The following ABCC4 variants were observed in gnomAD, a reference collection of about 807,000 sequenced individuals.
The protein encoded by ABCC4 is ATP-binding cassette sub-family C member 4.
A neutral mutation model predicts 168.5 loss-of-function variants in ABCC4; 102 were observed. That is an observed-to-expected ratio of 0.61 (90% confidence interval 0.52 to 0.71). The LOEUF is 0.71. Among genes scored for constraint, ABCC4 ranks in the 30% least tolerant of loss-of-function variants. ABCC4 has a pLI of 0.00. For synonymous variants in ABCC4, 617 were observed against 590.7 expected (o/e 1.04, Z -0.65); for missense variants, 1,402 against 1,605.8 (o/e 0.87, Z 2.17).
intron 23 of ABCC4, among the ~76,000 whole-genome samples, chr13:95,073,952 G>C (rs2033813633): frequency 6.6e-6 from 1 of 152,124 alleles, no homozygotes; most frequent in Non-Finnish European, 1.5e-5. Flanking sequence ...ACAACTACCA[G>C]ACACTAACAG....
At chr13:95,152,289 A>G (rs922427680) in intron 19 of ABCC4, among the ~76,000 whole-genome samples, 3 of 152,266 alleles carry the variant, frequency 2.0e-5, no homozygotes, top group Admixed American at 6.5e-5. Context: ...ACCAGCTGTA[A>G]GACAAAAAAC....
intron 30 of ABCC4, among the ~76,000 whole-genome samples, chr13:95,029,816 A>G (rs969959183): frequency 3.9e-5 from 6 of 152,226 alleles, no homozygotes; most frequent in Non-Finnish European, 8.8e-5. Flanking sequence ...AATACATGTT[A>G]ACAGTGAAGA....
chr13:95,193,732 A>G (rs143522044), intron 9 of ABCC4, among the ~76,000 whole-genome samples: 83 of 152,342 alleles, frequency 5.4e-4, no homozygotes, highest in African/African-American at 1.9e-3. Context: ...CCCAGGTTGC[A>G]AGTTACGTAA....
Position 95,073,255 on chromosome 13 carries a change from G to T in ABCC4, c.2967C>A (p.Leu989=). ...GAACACACCACTGAAACATCCCCAT[G>T]AGCGTGAGGGCATAGGACAGTGCCA... ...VGLALSYALT[L]MGMFQWCVRQ... Residue 989 remains leucine (L), a synonymous_variant, in exon 24 of 31, where the codon CTC becomes CTA. Coordinates refer to ENST00000645237, the MANE Select transcript of ABCC4 (RefSeq NM_005845.5). 6.2e-7 allele frequency: 1 copy of T among 1,613,994 alleles called. No homozygotes were observed. Among genetic ancestry groups the T allele is most frequent in the Non-Finnish European group, 8.5e-7 (1 of 1,179,948 alleles).
At chr13:95,025,189 CCACACCACA>C (rs2031354424) in intron 30 of ABCC4, among the ~76,000 whole-genome samples, 1 of 123,606 alleles carries the variant, frequency 8.1e-6, no homozygotes, top group African/African-American at 3.6e-5. Context: ...CCACACACAC[CCACACCACA>C]CACCCCCACA....
rs150772383 is a variant in ABCC4, at chr13:95,063,590, G to A, written c.3211-731C>T. ...AAGTAACATTTGCTATTTACGTAAG[G>A]CCTTTCATCTGCACAGTTCAAAAGG... is the stretch of plus-strand genomic sequence containing the variant. On this transcript the variant is annotated intron_variant, in intron 25 of 30. Coordinates refer to ENST00000645237, the MANE Select transcript of ABCC4 (RefSeq NM_005845.5). 3.7e-3 allele frequency among the ~76,000 whole-genome samples: 562 copies of A among 152,254 alleles called. 5 individuals are homozygous for A. The highest frequency in any genetic ancestry group is 0.013 in the African/African-American group (538 of 41,554).
intron 25 of ABCC4, among the ~76,000 whole-genome samples, chr13:95,064,260 GTATATATATATATA>G (rs753635232): frequency 2.3e-4 from 5 of 21,506 alleles, no homozygotes; most frequent in African/African-American, 6.6e-4. Flanking sequence ...GTGTGTGTGT[GTATATATATATATA>G]TATATATATA....
rs768841551 is a variant in ABCC4 at position 95,044,451 on chromosome 13, AAAG to A, written c.3457-16_3457-14del. The A allele has an allele frequency of 4.8e-5, 77 of 1,597,594 alleles. No homozygotes were observed. In the South Asian group the frequency reaches 7.8e-4, roughly 16 times the overall value. On this transcript the variant is annotated splice_polypyrimidine_tract_variant and intron_variant, in intron 27 of 30. Transcript: ENST00000645237. ...CTTTAAGTTGTACCTGTAGATGTACAAAGAAGAATGACTGCTATCATTCAAGCC... is the reference window on the plus strand; with the variant it reads ...CTTTAAGTTGTACCTGTAGATGTACAAAGAATGACTGCTATCATTCAAGCC...
chr13:95,160,223 A>G (rs2037047251), intron 19 of ABCC4, among the ~76,000 whole-genome samples: 1 of 152,124 alleles, frequency 6.6e-6, no homozygotes, highest in Non-Finnish European at 1.5e-5. Context: ...GTGTAATAGC[A>G]CCTATGTGCT....
chr13:95,273,249 C>T (rs907327073), intron 1 of ABCC4, among the ~76,000 whole-genome samples: 3 of 152,172 alleles, frequency 2.0e-5, no homozygotes, highest in Non-Finnish European at 4.4e-5. Flanking sequence ...TTTTCTTTTC[C>T]TGACGTTTCT....
Position 95,075,539 on chromosome 13 carries a change from A to G in ABCC4, c.2699T>C (p.Val900Ala). 6.2e-7 allele frequency: 1 copy of G among 1,614,064 alleles called. No homozygotes were observed. Among genetic ancestry groups the G allele is most frequent in the Non-Finnish European group, 8.5e-7 (1 of 1,179,966 alleles). ...GAGAGAAGATGATAAGTGGGAAAAC[A>G]CTGGACTCCGAGCTGGGGAAACAGA... Reference protein sequence around the residue: ...KRLESTTRSPVFSHLSSSLQG... With the variant: ...KRLESTTRSPAFSHLSSSLQG... Residue 900 changes from valine to alanine, a missense_variant, in exon 22 of 31, where the codon GTG (valine) becomes GCG (alanine). Val to Ala is a moderately conservative substitution (Grantham distance 64). Around this residue, in one of 3 missense-constraint regions of ABCC4, gnomAD observed 1,007 missense variants for 1,127.3 expected, o/e 0.89. Coordinates refer to ENST00000645237, the MANE Select transcript of ABCC4 (RefSeq NM_005845.5).
At chr13:95,186,359 A>G (rs1186212441) in intron 11 of ABCC4, among the ~76,000 whole-genome samples, 1 of 152,198 alleles carries the variant, frequency 6.6e-6, no homozygotes, top group Non-Finnish European at 1.5e-5. Context: ...AGTTGATCGC[A>G]CTTGAACTTG....
At chr13:95,098,923 C>T (rs2034701919) in intron 20 of ABCC4, among the ~76,000 whole-genome samples, 2 of 152,150 alleles carry the variant, frequency 1.3e-5, no homozygotes, top group South Asian at 4.1e-4. Context: ...TATATTGCCA[C>T]TGGGTGTGTA....
chr13:95,172,464 G>C (rs1432575349), intron 13 of ABCC4, among the ~76,000 whole-genome samples: 2 of 151,924 alleles, frequency 1.3e-5, no homozygotes, highest in Non-Finnish European at 2.9e-5. Context: ...CCAGCTACTC[G>C]GCTGGCTGAG....
chr13:95,166,863 T>C (rs1183229943), intron 14 of ABCC4, among the ~76,000 whole-genome samples: 2 of 152,100 alleles, frequency 1.3e-5, no homozygotes, highest in African/African-American at 4.8e-5. Flanking sequence ...ATAGACCCCA[T>C]GAACTGCACC....
intron 24 of ABCC4, among the ~76,000 whole-genome samples, chr13:95,072,149 C>T (rs115855116): frequency 0.014 from 2,102 of 152,304 alleles, 63 homozygotes; most frequent in African/African-American, 0.048. Flanking sequence ...GAAAGGAATA[C>T]TTAGAGCCAC....
At chr13:95,101,354 ATTT>A (rs4148526) in intron 20 of ABCC4, among the ~76,000 whole-genome samples, 1 of 141,946 alleles carries the variant, frequency 7.0e-6, no homozygotes. Context: ...CAAGCTGCTG[ATTT>A]TTTTTTTTTT....
intron 1 of ABCC4, among the ~76,000 whole-genome samples, chr13:95,273,553 G>A (rs779187294): frequency 1.3e-5 from 2 of 152,116 alleles, no homozygotes. Context: ...TCTGTTCCAT[G>A]GGGACTATTT....
intron 3 of ABCC4, among the ~76,000 whole-genome samples, chr13:95,245,454 G>C (rs2040080229): frequency 6.6e-6 from 1 of 152,202 alleles, no homozygotes; most frequent in Non-Finnish European, 1.5e-5. Context: ...ACACCGACTT[G>C]TCATTCTATT....
Sources: gnomAD v4.1 joint callset for allele counts (sites outside exome capture counted in the v4.1 genomes callset) on GRCh38, gnomAD v4.1.1 for gene constraint, gnomAD v4.1.1 regional missense constraint, MANE v1.5 for transcripts, NCBI Gene and HGNC (gene_info 2026-07-23, HGNC 2026-07-21) for gene names.